Variants in MERTK observed in about 807,000 individuals in gnomAD.
MERTK encodes tyrosine-protein kinase Mer.
MERTK carries 69 observed loss-of-function variants against 99.3 expected under a neutral mutation model. That is an observed-to-expected ratio of 0.70 (90% CI 0.57 to 0.85). The LOEUF (loss-of-function observed/expected upper bound fraction) is 0.85, where lower values mean the gene tolerates loss of function less well. Ranked by LOEUF, MERTK falls within the 40% of genes least tolerant of loss-of-function variation. The probability of loss-of-function intolerance (pLI) is 0.00; values close to 1 mark genes in which losing one functional copy is unlikely to be tolerated. For missense variants in MERTK, 1,125 were observed against 1,249.4 expected, an observed-to-expected ratio of 0.90 and a Z score of 1.50; for synonymous variants, 426 against 467.6, an observed-to-expected ratio of 0.91 and a Z score of 1.15.
In MERTK at chr2:111,947,791, T is replaced by C. The variant is rs139069204; in HGVS notation, c.757+224T>C. Among the ~76,000 whole-genome samples the C allele has an allele frequency of 9.2e-5, 14 of 151,914 alleles. 1 individual carries two copies. Among genetic ancestry groups the C allele is most frequent in the African/African-American group, 1.9e-4 (8 of 41,422 alleles). On this transcript the variant is annotated intron_variant, in intron 4 of 18. Coordinates refer to ENST00000295408, the MANE Select transcript of MERTK (RefSeq NM_006343.3). ...ACAGGTGAGGGCCTCTGGGGGTACA[T>C]AGGGTTAAGTTGTTGAAGTGGCCAG...
At position 111,985,906 on chromosome 2, in the gene MERTK, T is replaced by C. The variant is rs186901269; in HGVS notation, c.1296+2913T>C. Among the ~76,000 whole-genome samples the C allele has an allele frequency of 1.3e-3, 193 of 152,298 alleles. 2 individuals are homozygous for C. The East Asian group carries it at 0.021, about 17-fold the overall frequency. ...TGGTATCTATATGGAGCATCAGATA[T>C]AGATGCTGCATATAGAGATGAACAG... On this transcript the variant is annotated intron_variant, in intron 8 of 18. Coordinates refer to ENST00000295408, the MANE Select transcript of MERTK (RefSeq NM_006343.3).
intron 1 of MERTK, among the ~76,000 whole-genome samples, chr2:111,919,298 A>G (rs1473446243): frequency 1.3e-5 from 2 of 152,116 alleles, no homozygotes; most frequent in East Asian, 3.9e-4. Context: ...GTGCCACTGA[A>G]TCTATTCCCT....
At chr2:111,976,489 T>C (rs1418298603) in intron 7 of MERTK, among the ~76,000 whole-genome samples, 2 of 151,484 alleles carry the variant, frequency 1.3e-5, no homozygotes, top group Non-Finnish European at 2.9e-5. Context: ...ACCAGGGCTA[T>C]GGGAGTTGTA....
chr2:111,998,390 A>C (rs2104402839), intron 10 of MERTK, among the ~76,000 whole-genome samples: 1 of 152,330 alleles, frequency 6.6e-6, no homozygotes, highest in South Asian at 2.1e-4. Context: ...AAGCTGCAAG[A>C]GTAGCTCATT....
chr2:112,017,754 G>A (rs532860698), intron 15 of MERTK, among the ~76,000 whole-genome samples: 2 of 152,236 alleles, frequency 1.3e-5, no homozygotes, highest in East Asian at 3.9e-4. Flanking sequence ...TGATCTGGGA[G>A]CATACCTATG....
At chr2:112,013,774 C>A (rs535859833) in intron 15 of MERTK, among the ~76,000 whole-genome samples, 1 of 151,676 alleles carries the variant, frequency 6.6e-6, no homozygotes, top group South Asian at 2.1e-4. Context: ...GTGGCGGCAC[C>A]ACATCATTTC....
chr2:111,901,665 C>T (rs1189250560), intron 1 of MERTK, among the ~76,000 whole-genome samples: 1 of 149,942 alleles, frequency 6.7e-6, no homozygotes, highest in Non-Finnish European at 1.5e-5. Context: ...AAGTGATCCT[C>T]CCACCTCAGC....
chr2:111,950,355 A>C (rs1028303999), intron 4 of MERTK, among the ~76,000 whole-genome samples: 3 of 152,250 alleles, frequency 2.0e-5, no homozygotes, highest in South Asian at 4.1e-4. Context: ...TGAATAAAGC[A>C]GCTATGAATA....
intron 18 of MERTK, chr2:112,022,688 C>T (rs764909727): frequency 2.6e-5 from 16 of 607,482 alleles, no homozygotes; most frequent in Non-Finnish European, 4.9e-5. Context: ...ATTCCTTACA[C>T]ACCTCTAGGA....
At chr2:111,913,846 G>C (rs1292247904) in intron 1 of MERTK, among the ~76,000 whole-genome samples, 2 of 152,230 alleles carry the variant, frequency 1.3e-5, no homozygotes, top group Admixed American at 1.3e-4. Context: ...ACTGTGCCTA[G>C]CCTTCCTTGG....
At chr2:112,000,761 T>C (rs1211890491) in intron 10 of MERTK, among the ~76,000 whole-genome samples, 11 of 152,222 alleles carry the variant, frequency 7.2e-5, no homozygotes, top group Admixed American at 3.3e-4. Context: ...GCATAGCCCA[T>C]ATTGACAGCA....
intron 6 of MERTK, among the ~76,000 whole-genome samples, chr2:111,973,689 A>G (rs892044675): frequency 6.6e-6 from 1 of 152,024 alleles, no homozygotes; most frequent in Non-Finnish European, 1.5e-5. Flanking sequence ...GTCTGTTCTG[A>G]TTTTATAAGT....
chr2:111,928,886 A>G (rs1461475676), intron 1 of MERTK, among the ~76,000 whole-genome samples: 2 of 152,048 alleles, frequency 1.3e-5, no homozygotes, highest in African/African-American at 4.8e-5. Context: ...GAAAATTTTT[A>G]TTTTTGGTGG....
intron 7 of MERTK, among the ~76,000 whole-genome samples, chr2:111,976,555 T>TG (rs1395865774): frequency 6.7e-6 from 1 of 148,230 alleles, no homozygotes; most frequent in African/African-American, 2.4e-5. Flanking sequence ...TGTGTGTGTG[T>TG]GTGTGTGTGT....
chr2:111,998,421 T>C (rs1676797528), intron 10 of MERTK, among the ~76,000 whole-genome samples: 1 of 152,210 alleles, frequency 6.6e-6, no homozygotes, highest in Admixed American at 6.5e-5. Context: ...AAAGGCCTGC[T>C]AGGCACTGGG....
At chr2:111,924,319 CTG>C (rs1684516032) in intron 1 of MERTK, among the ~76,000 whole-genome samples, 1 of 152,242 alleles carries the variant, frequency 6.6e-6, no homozygotes, top group African/African-American at 2.4e-5. Flanking sequence ...TGTGAGCAAA[CTG>C]AGCCTGAGCA....
At chr2:112,008,767 CAG>C (rs1297876743) in intron 14 of MERTK, 2 of 487,988 alleles carry the variant, frequency 4.1e-6, no homozygotes, top group Non-Finnish European at 7.5e-6. Context: ...AGGCAAGACA[CAG>C]AGGTGGTTGT....
At chr2:111,906,576 A>T (rs1684139955) in intron 1 of MERTK, among the ~76,000 whole-genome samples, 1 of 152,166 alleles carries the variant, frequency 6.6e-6, no homozygotes, top group Non-Finnish European at 1.5e-5. Flanking sequence ...ATATTCATGG[A>T]CTTCCCAAGT....
rs914652816 is a variant in MERTK at position 111,979,890 on chromosome 2, GT to G, written c.1145-2944del. ...TCCTCTAAGCCCTCTGTTCTGTGTG[GT>G]TTTTTTTGGTCCCTGATATTCAGTG... On this transcript the variant is annotated intron_variant, in intron 7 of 18. Coordinates refer to ENST00000295408, the MANE Select transcript of MERTK (RefSeq NM_006343.3). Among the ~76,000 whole-genome samples the G allele has an allele frequency of 8.6e-5, 13 of 151,806 alleles. No individual in the cohort carries two copies. In the East Asian group the frequency reaches 2.5e-3, roughly 29 times the overall value.
Sources: gnomAD v4.1 joint callset for allele counts (sites outside exome capture counted in the v4.1 genomes callset) on GRCh38, gnomAD v4.1.1 for gene constraint, MANE v1.5 for transcripts, NCBI Gene and HGNC (gene_info 2026-07-23, HGNC 2026-07-21) for gene names.